Variants in USH2A observed in about 807,000 individuals in gnomAD.
The protein encoded by USH2A is usherin, also known as Usher syndrome 2A (autosomal recessive, mild).
In USH2A, 443 loss-of-function variants were observed where a neutral mutation model predicts 538.9. That is an observed-to-expected ratio of 0.82 (90% CI 0.76 to 0.89). The LOEUF is 0.89. USH2A is among the 40% of genes least tolerant of loss of function. USH2A has a pLI of 0.00. For synonymous variants in USH2A, 2,413 were observed against 2,273.5 expected (o/e 1.06, Z -1.75); for missense variants, 6,633 against 6,324.8 (o/e 1.05, Z -1.65).
chr1:216,142,043 C>T (rs2033613982), intron 21 of USH2A, among the ~76,000 whole-genome samples: 1 of 152,020 alleles, frequency 6.6e-6, no homozygotes, highest in African/African-American at 2.4e-5. Context: ...CATTTCCCCC[C>T]AAGCAAAGTT....
chr1:216,008,359 C>T (rs977698994), intron 32 of USH2A, among the ~76,000 whole-genome samples: 3 of 151,956 alleles, frequency 2.0e-5, no homozygotes, highest in African/African-American at 7.3e-5. Flanking sequence ...GTGACCCCCA[C>T]TCTGGCCTCC....
At chr1:216,028,174 G>A (rs965692090) in intron 32 of USH2A, among the ~76,000 whole-genome samples, 1 of 152,102 alleles carries the variant, frequency 6.6e-6, no homozygotes, top group African/African-American at 2.4e-5. Flanking sequence ...GAATACTTGA[G>A]GTCAGGAGTT....
intron 44 of USH2A, among the ~76,000 whole-genome samples, chr1:215,855,858 A>G (rs1664151527): frequency 6.6e-6 from 1 of 152,218 alleles, no homozygotes; most frequent in African/African-American, 2.4e-5. Context: ...ATGAAACAAA[A>G]TAGAGAACTC....
At chr1:216,124,277 CA>C (rs2102597054) in intron 21 of USH2A, among the ~76,000 whole-genome samples, 1 of 152,092 alleles carries the variant, frequency 6.6e-6, no homozygotes, top group East Asian at 1.9e-4. Flanking sequence ...ATTCAGACAA[CA>C]ATATATTAGC....
chr1:215,956,397 T>A (rs1468849204), intron 37 of USH2A, among the ~76,000 whole-genome samples: 1 of 152,192 alleles, frequency 6.6e-6, no homozygotes. Flanking sequence ...TAAAAATTTC[T>A]CTAAATAGGA....
chr1:216,280,646 T>C (rs2036756339), intron 11 of USH2A, among the ~76,000 whole-genome samples: 1 of 152,194 alleles, frequency 6.6e-6, no homozygotes, highest in African/African-American at 2.4e-5. Flanking sequence ...TAGGATTCAG[T>C]GACTCAGAGC....
intron 21 of USH2A, among the ~76,000 whole-genome samples, chr1:216,148,284 C>T (rs2033755026): frequency 6.6e-6 from 1 of 151,660 alleles, no homozygotes; most frequent in Non-Finnish European, 1.5e-5. Flanking sequence ...TTAGTTATCC[C>T]CACCTGCCCA....
intron 70 of USH2A, among the ~76,000 whole-genome samples, chr1:215,630,523 T>G (rs57396759): frequency 1.0e-3 from 121 of 121,556 alleles, no homozygotes; most frequent in African/African-American, 3.4e-3. Flanking sequence ...TATATATATA[T>G]ATATGAGAGA....
chr1:216,399,149 C>T (rs556612356), intron 3 of USH2A, among the ~76,000 whole-genome samples: 1 of 152,242 alleles, frequency 6.6e-6, no homozygotes, highest in Non-Finnish European at 1.5e-5. Flanking sequence ...TCTGGCAGGG[C>T]CCCAGTCAGG....
intron 32 of USH2A, among the ~76,000 whole-genome samples, chr1:216,021,372 T>C (rs895902931): frequency 2.6e-5 from 4 of 151,990 alleles, no homozygotes; most frequent in Non-Finnish European, 5.9e-5. Context: ...TTATAAGAGG[T>C]TTCCCCTTTC....
chr1:215,671,672 C>G (rs910633265), intron 63 of USH2A, among the ~76,000 whole-genome samples: 1 of 152,156 alleles, frequency 6.6e-6, no homozygotes, highest in African/African-American at 2.4e-5. Flanking sequence ...TCTCAAGATT[C>G]TTTCCGGCAT....
rs1553261079 is a variant in USH2A at position 215,779,823 on chromosome 1, C to CA, written c.10939+19_10939+20insT. 2 of 1,601,616 alleles carry CA rather than the reference C, an allele frequency of 1.2e-6. No individual in the cohort carries two copies. The highest frequency in any genetic ancestry group is 1.3e-5 in the African/African-American group (1 of 74,368). On this transcript the variant is annotated intron_variant, in intron 55 of 71. Coordinates refer to ENST00000307340, the MANE Select transcript of USH2A (RefSeq NM_206933.4). ...TGACAGACTCCTCCAGTAGGATTTC[C>CA]TTTTTTTTTGTTTTCTCACCTGTGA...
intron 65 of USH2A, among the ~76,000 whole-genome samples, chr1:215,649,235 C>T (rs1045886324): frequency 1.3e-5 from 2 of 152,204 alleles, no homozygotes; most frequent in African/African-American, 4.8e-5. Context: ...TTCAGATCTA[C>T]ATTAAAATCA....
At chr1:216,058,654 A>G (rs2031064620) in intron 30 of USH2A, among the ~76,000 whole-genome samples, 1 of 127,208 alleles carries the variant, frequency 7.9e-6, no homozygotes, top group Admixed American at 7.4e-5. Context: ...TTAAGTTCCA[A>G]ATATACATTT....
chr1:216,135,482 C>G (rs1292687201), intron 21 of USH2A, among the ~76,000 whole-genome samples: 1 of 151,884 alleles, frequency 6.6e-6, no homozygotes, highest in East Asian at 1.9e-4. Context: ...TAGTGATTTC[C>G]AATCTCAATT....
In USH2A at chr1:215,841,228, T is replaced by C. The variant is rs561507465; in HGVS notation, c.9258+3066A>G. Among the ~76,000 whole-genome samples the C allele has an allele frequency of 4.6e-5, 7 of 152,206 alleles. No individual in the cohort carries two copies. The East Asian group carries it at 1.4e-3, about 29-fold the overall frequency. On this transcript the variant is annotated intron_variant, in intron 46 of 71. Coordinates refer to ENST00000307340, the MANE Select transcript of USH2A (RefSeq NM_206933.4). ...TCATATGGAACCAAAAAAGAGCCTG[T>C]ATAGCCAAGACAATCATAAGCAAAA...
At chr1:216,076,228 G>A (rs11587260) in intron 27 of USH2A, among the ~76,000 whole-genome samples, 68,058 of 151,846 alleles carry the variant, frequency 0.45, 16,135 homozygotes, top group East Asian at 0.77. Context: ...TGACTTCTAC[G>A]TTCCAGCTAC....
intron 12 of USH2A, among the ~76,000 whole-genome samples, chr1:216,249,561 T>C (rs1468002270): frequency 6.6e-6 from 1 of 152,172 alleles, no homozygotes; most frequent in Non-Finnish European, 1.5e-5. Flanking sequence ...TACAAATATG[T>C]ACTTCTCTTT....
At chr1:215,948,013 TA>T (rs1387105955) in intron 37 of USH2A, among the ~76,000 whole-genome samples, 2 of 152,094 alleles carry the variant, frequency 1.3e-5, no homozygotes, top group Non-Finnish European at 2.9e-5. Context: ...CACCTTTAGC[TA>T]AAGAGATTCA....
Sources: allele counts gnomAD v4.1 joint callset (sites outside exome capture counted in the v4.1 genomes callset), GRCh38; gene constraint gnomAD v4.1.1; transcripts MANE v1.5; gene names NCBI Gene and HGNC (gene_info 2026-07-23, HGNC 2026-07-21).